INSR: variants seen among roughly 807,000 people sequenced by gnomAD.
The protein encoded by INSR is IR.
A neutral mutation model predicts 142.6 loss-of-function variants in INSR; 67 were observed. The ratio of observed to expected loss-of-function variants is 0.47; its 90% CI spans 0.39 to 0.58. The LOEUF (loss-of-function observed/expected upper bound fraction) is 0.58. Among genes scored for constraint, INSR ranks in the 20% least tolerant of loss-of-function variants. The pLI is 0.00. For synonymous variants in INSR, 756 were observed against 743.1 expected (o/e 1.02, Z -0.28); for missense variants, 1,248 against 1,833.2 (o/e 0.68, Z 5.83).
At position 7,180,110 on chromosome 19, in the gene INSR, C is replaced by T. The variant is rs1974235165; in HGVS notation, c.974+4206G>A. 2.0e-5 allele frequency among the ~76,000 whole-genome samples: 3 copies of T among 152,204 alleles called. No individual in the cohort carries two copies. The South Asian group carries it at 6.2e-4, about 31-fold the overall frequency. ...AGGCCAGACAAACCTTCAGTCAACA[C>T]ATGAAATCATCAGAGCTCCTAAAGG... On this transcript the variant is annotated intron_variant, in intron 3 of 21. Coordinates refer to ENST00000302850, the MANE Select transcript of INSR (RefSeq NM_000208.4).
rs186678159 is a variant in INSR at position 7,237,132 on chromosome 19, C to T, written c.652+30213G>A. On this transcript the variant is annotated intron_variant, in intron 2 of 21. Coordinates refer to ENST00000302850, the MANE Select transcript of INSR (RefSeq NM_000208.4). Reference sequence around the variant, plus strand: ...CAAATTGGGTTCAGTGTATACTGCTCGGGTGATGGATCCACCAAAACTTAC... The same window carrying T: ...CAAATTGGGTTCAGTGTATACTGCTTGGGTGATGGATCCACCAAAACTTAC... 4.2e-4 allele frequency among the ~76,000 whole-genome samples: 64 copies of T among 151,994 alleles called. 1 individual carries two copies. Among genetic ancestry groups the T allele is most frequent in the African/African-American group, 1.4e-3 (57 of 41,452 alleles).
At chr19:7,120,534 G>T in intron 20 of INSR, 86 bp downstream of exon 20, 1 of 1,533,796 alleles carries the variant, frequency 6.5e-7, no homozygotes, top group Non-Finnish European at 9.0e-7. Flanking sequence ...CCAGGAGGAT[G>T]GCAGGCTTCC....
At chr19:7,245,652 G>A (rs762694512) in intron 2 of INSR, among the ~76,000 whole-genome samples, 1 of 151,890 alleles carries the variant, frequency 6.6e-6, no homozygotes, top group Non-Finnish European at 1.5e-5. Context: ...CACTGTGTTG[G>A]CCAGGCTGGT....
rs969257235 is a variant in INSR at position 7,168,906 on chromosome 19, T to C, written c.1484-812A>G. On this transcript the variant is annotated intron_variant, in intron 6 of 21. Transcript: ENST00000302850. This position sits in a 1 kb window ranked among gnomAD's most constrained non-coding sequence, Gnocchi z 4.3. The stretch of plus-strand genomic sequence containing the variant: ...GGCGTGAGCCACCATGCCCAGCCCT[T>C]GCACTACATTTTGACATAAGTAACT... Among the ~76,000 whole-genome samples, 2 of 152,102 alleles carry C rather than the reference T, an allele frequency of 1.3e-5. No individual in the cohort carries two copies. The highest frequency in any genetic ancestry group is 4.2e-4 in the South Asian group (2 of 4,810).
chr19:7,144,462 G>A (rs1036461873), intron 11 of INSR, among the ~76,000 whole-genome samples: 4 of 152,032 alleles, frequency 2.6e-5, no homozygotes, highest in African/African-American at 7.2e-5. Context: ...GGAGTGCGAC[G>A]GCGTGATCTT....
chr19:7,229,913 G>C lies in INSR; in HGVS notation c.652+37432C>G, dbSNP rs576373344. On this transcript the variant is annotated intron_variant, in intron 2 of 21. Transcript: ENST00000302850. Reference sequence around the variant, plus strand: ...CCCAAGTAGCTGAGACCACAAGTCAGTGCCACCATGCTCAGCTAATTTTTC... The same window carrying C: ...CCCAAGTAGCTGAGACCACAAGTCACTGCCACCATGCTCAGCTAATTTTTC... Among the ~76,000 whole-genome samples, 4 of 152,106 alleles carry C rather than the reference G, an allele frequency of 2.6e-5. No homozygotes were observed. In the South Asian group the frequency reaches 8.3e-4, roughly 32 times the overall value.
rs375668940 is a variant in INSR at position 7,125,535 on chromosome 19, T to C, written c.3014-8A>G. 8 of 1,612,720 alleles carry C rather than the reference T, an allele frequency of 5.0e-6. No individual in the cohort carries two copies. Among genetic ancestry groups the C allele is most frequent in the Non-Finnish European group, 6.8e-6 (8 of 1,179,954 alleles). ...ACACAGAGCATGGAAACACTACTTC[T>C]TACTTATCTACACAGCATCCTTGGA... is the stretch of plus-strand genomic sequence containing the variant. On this transcript the variant is annotated splice_polypyrimidine_tract_variant and splice_region_variant and intron_variant, in intron 16 of 21. Transcript: ENST00000302850. The surrounding 1 kb of genome is among the most constrained non-coding windows in gnomAD (Gnocchi z 4.9).
chr19:7,231,845 C>G (rs1330804332), intron 2 of INSR, among the ~76,000 whole-genome samples: 1 of 151,210 alleles, frequency 6.6e-6, no homozygotes, highest in Non-Finnish European at 1.5e-5. Flanking sequence ...CTCCTGAGCT[C>G]AAGCAATTCT....
chr19:7,227,377 A>G (rs1334378171), intron 2 of INSR, among the ~76,000 whole-genome samples: 1 of 151,942 alleles, frequency 6.6e-6, no homozygotes. Flanking sequence ...AGCTCAAGCA[A>G]TCCTCTCAAC....
chr19:7,183,263 G>GGTGTGTGTGTGTGTGTGT (rs71177167), intron 3 of INSR, among the ~76,000 whole-genome samples: 26 of 146,590 alleles, frequency 1.8e-4, no homozygotes, highest in Non-Finnish European at 3.0e-4. Flanking sequence ...GTTGTTTTGT[G>GGTGTGTGTGTGTGTGTGT]GTGTGTGTGT....
chr19:7,262,059 G>T (rs1194951835), intron 2 of INSR, among the ~76,000 whole-genome samples: 1 of 152,156 alleles, frequency 6.6e-6, no homozygotes, highest in African/African-American at 2.4e-5. Context: ...AAAAGACTCT[G>T]GGGGAAAAGA....
intron 1 of INSR, among the ~76,000 whole-genome samples, chr19:7,283,666 A>C (rs1968267785): frequency 2.0e-5 from 3 of 151,976 alleles, no homozygotes; most frequent in South Asian, 4.1e-4. Flanking sequence ...TCTCGAACTC[A>C]CCACCTCAGG....
rs1972532042 is a variant in INSR at position 7,123,006 on chromosome 19, C to G, written c.3259-17G>C. On this transcript the variant is annotated splice_polypyrimidine_tract_variant and intron_variant, in intron 17 of 21. Transcript: ENST00000302850. ...GAGGCGCACCTGCAGAGCAAGCAACCAGGGTTCTTGGAGGAGGGTCCGTGA... is the reference window on the plus strand; with the variant it reads ...GAGGCGCACCTGCAGAGCAAGCAACGAGGGTTCTTGGAGGAGGGTCCGTGA... The G allele has an allele frequency of 6.4e-7, 1 of 1,570,358 alleles. No individual in the cohort carries two copies. Among genetic ancestry groups the G allele is most frequent in the Admixed American group, 1.8e-5 (1 of 55,196 alleles).
intron 2 of INSR, among the ~76,000 whole-genome samples, chr19:7,235,799 C>G (rs1279956630): frequency 6.6e-6 from 1 of 151,788 alleles, no homozygotes; most frequent in African/African-American, 2.4e-5. Flanking sequence ...TGAACTCCAG[C>G]CTGGGCAACA....
rs1048512202 is a variant in INSR at position 7,231,225 on chromosome 19, T to G, written c.652+36120A>C. ...GGGGGGAAGAATTAATTTCGGATCC[T>G]GAATTTGCATCTGCAAATGCTGTTT... is the stretch of plus-strand genomic sequence containing the variant. On this transcript the variant is annotated intron_variant, in intron 2 of 21. Coordinates refer to ENST00000302850, the MANE Select transcript of INSR (RefSeq NM_000208.4). Among the ~76,000 whole-genome samples, 3 of 152,240 alleles carry G rather than the reference T, an allele frequency of 2.0e-5. No homozygotes were observed. The East Asian group carries it at 5.8e-4, about 29-fold the overall frequency.
chr19:7,272,032 C>A (rs1967938889), intron 1 of INSR, among the ~76,000 whole-genome samples: 1 of 151,826 alleles, frequency 6.6e-6, no homozygotes, highest in African/African-American at 2.4e-5. Flanking sequence ...AGGCTGGCCG[C>A]AGTGGCTCAC....
intron 9 of INSR, among the ~76,000 whole-genome samples, chr19:7,154,924 C>CA (rs1973551368): frequency 6.6e-6 from 1 of 151,820 alleles, no homozygotes; most frequent in East Asian, 2.0e-4. Flanking sequence ...GACTCTGTCT[C>CA]AAAAAAAGGC....
chr19:7,203,622 G>A (rs1975026392), intron 2 of INSR, among the ~76,000 whole-genome samples: 1 of 152,148 alleles, frequency 6.6e-6, no homozygotes, highest in Admixed American at 6.6e-5. Flanking sequence ...CAGGTTGACA[G>A]TTTTCCCGGG....
At chr19:7,283,785 C>T (rs1968270989) in intron 1 of INSR, among the ~76,000 whole-genome samples, 1 of 152,098 alleles carries the variant, frequency 6.6e-6, no homozygotes, top group African/African-American at 2.4e-5. Flanking sequence ...GGTAGTTTGG[C>T]TCTGTGAAAT....
Sources: gnomAD v4.1 joint callset for allele counts (sites outside exome capture counted in the v4.1 genomes callset) on GRCh38, gnomAD v4.1.1 for gene constraint, Gnocchi (gnomAD v3.1) non-coding constraint, MANE v1.5 for transcripts, NCBI Gene and HGNC (gene_info 2026-07-23, HGNC 2026-07-21) for gene names.